Variants in ADRA1A observed in about 807,000 individuals in gnomAD.
ADRA1A encodes the protein alpha-1A adrenergic receptor.
In ADRA1A, 31 loss-of-function variants were observed where a neutral mutation model predicts 29.6. The observed-to-expected ratio is 1.05, with a 90% confidence interval of 0.79 to 1.41. The LOEUF is 1.41. Ranked by LOEUF, ADRA1A falls within the 40% of genes most tolerant of loss-of-function variation. The probability of loss-of-function intolerance (pLI) is 0.00; values close to 1 mark genes in which losing one functional copy is unlikely to be tolerated. For synonymous variants in ADRA1A, 311 were observed against 254.3 expected, an observed-to-expected ratio of 1.22 and a Z score of -2.12; for missense variants, 619 against 601.1, an observed-to-expected ratio of 1.03 and a Z score of -0.31.
chr8:26,748,814 G>A (rs61759696), intron 2 of ADRA1A: 20,150 of 388,068 alleles, frequency 0.052, 710 homozygotes, highest in Non-Finnish European at 0.067. Flanking sequence ...AATTTATTCA[G>A]CATGGCTTTT....
At chr8:26,810,359 A>G (rs781378396) in intron 2 of ADRA1A, among the ~76,000 whole-genome samples, 8 of 152,218 alleles carry the variant, frequency 5.3e-5, no homozygotes, top group Non-Finnish European at 8.8e-5. Context: ...GTGACAGGCA[A>G]CAAGCCTGAA....
At chr8:26,814,660 T>A (rs1023188394) in intron 2 of ADRA1A, among the ~76,000 whole-genome samples, 1 of 152,226 alleles carries the variant, frequency 6.6e-6, no homozygotes, top group Non-Finnish European at 1.5e-5. Context: ...TGTTTTATAA[T>A]TTTCTTTCTC....
chr8:26,857,959 T>C (rs796502020), intron 2 of ADRA1A, among the ~76,000 whole-genome samples: 4 of 152,354 alleles, frequency 2.6e-5, no homozygotes, highest in African/African-American at 9.6e-5. Flanking sequence ...TCTCCAGTGA[T>C]TCTATAGCTT....
intron 2 of ADRA1A, among the ~76,000 whole-genome samples, chr8:26,858,575 T>A (rs1813208993): frequency 1.3e-5 from 2 of 152,238 alleles, no homozygotes; most frequent in South Asian, 4.1e-4. Context: ...AGCAGCACAC[T>A]GCCTCTGGAA....
chr8:26,818,000 C>T (rs143899742), intron 2 of ADRA1A, among the ~76,000 whole-genome samples: 1 of 152,336 alleles, frequency 6.6e-6, no homozygotes, highest in Non-Finnish European at 1.5e-5. Context: ...TGGAATGTTA[C>T]TCAGCAACAG....
rs764835112 is a variant in ADRA1A at position 26,864,794 on chromosome 8, G to T, written c.176C>A (p.Ser59Ter). 2 of 1,614,172 alleles carry T rather than the reference G, an allele frequency of 1.2e-6. No individual in the cohort carries two copies. The highest frequency in any genetic ancestry group is 3.3e-5 in the Admixed American group (2 of 60,032). The change falls in exon 2 of 3, where the codon TCA (serine) becomes TAA (stop). Residue 59 changes from serine (S) to a stop codon, truncating the protein, a stop_gained. Transcript: ENST00000380573. LOFTEE classifies it high-confidence loss of function. This position sits in a 1 kb window ranked among gnomAD's most constrained non-coding sequence, Gnocchi z 8.1. The stretch of plus-strand genomic sequence containing the variant: ...GTTGACGATGTAGTAGTGCGTGACT[G>T]AGTGCAGGTGTCGGTGACAGGCTAC... ...LSVACHRHLHSVTHYYIVNLA... is the reference protein window; with the variant it reads ...LSVACHRHLH
At chr8:26,851,378 GAA>G (rs1238771773) in intron 2 of ADRA1A, among the ~76,000 whole-genome samples, 1 of 152,012 alleles carries the variant, frequency 6.6e-6, no homozygotes, top group Non-Finnish European at 1.5e-5. Flanking sequence ...AAAAAGCAAA[GAA>G]AAAAGTTACC....
chr8:26,785,630 C>T (rs1425814685), intron 2 of ADRA1A, among the ~76,000 whole-genome samples: 1 of 151,996 alleles, frequency 6.6e-6, no homozygotes, highest in Non-Finnish European at 1.5e-5. Flanking sequence ...AACATGAATA[C>T]ATTCAAGCTG....
At chr8:26,751,838 C>T (rs768706175), downstream of ADRA1A, among the ~76,000 whole-genome samples, 13 of 152,178 alleles carry the variant, frequency 8.5e-5, no homozygotes, top group African/African-American at 1.7e-4. Context: ...ATTATTATCT[C>T]GTTTTACAGG....
chr8:26,783,270 A>T (rs1291487058), intron 2 of ADRA1A, among the ~76,000 whole-genome samples: 1 of 152,176 alleles, frequency 6.6e-6, no homozygotes, highest in Non-Finnish European at 1.5e-5. Flanking sequence ...ATAAGTAGGT[A>T]GTAGAGCATG....
At chr8:26,856,445 TATA>T (rs1468874717) in intron 2 of ADRA1A, among the ~76,000 whole-genome samples, 1 of 152,236 alleles carries the variant, frequency 6.6e-6, no homozygotes, top group Non-Finnish European at 1.5e-5. Context: ...CACAAACTTG[TATA>T]ATGGCTATAA....
intron 2 of ADRA1A, among the ~76,000 whole-genome samples, chr8:26,783,735 T>A (rs1807165235): frequency 6.6e-6 from 1 of 152,318 alleles, no homozygotes; most frequent in Admixed American, 6.5e-5. Flanking sequence ...CGTGTGTATG[T>A]TCATTGCAGC....
chr8:26,778,676 C>T lies in ADRA1A; in HGVS notation c.884-8010G>A, dbSNP rs969318205. ...GGATGAAGCTGGAAACCATCATTCT[C>T]AGCAAACTATCGCAAGGACAAAAAA... On this transcript the variant is annotated intron_variant, in intron 2 of 2. Transcript: ENST00000380573. Among the ~76,000 whole-genome samples, 5 of 151,758 alleles carry T rather than the reference C, an allele frequency of 3.3e-5. No individual in the cohort carries two copies. The East Asian group carries it at 9.7e-4, about 29-fold the overall frequency.
At chr8:26,839,102 T>C (rs1463295709) in intron 2 of ADRA1A, among the ~76,000 whole-genome samples, 1 of 152,162 alleles carries the variant, frequency 6.6e-6, no homozygotes, top group African/African-American at 2.4e-5. Context: ...TGCATGCTAA[T>C]TATTAGAAAG....
chr8:26,763,895 TTTACTATCTAGTCAC>T (rs1214910773), downstream of ADRA1A, among the ~76,000 whole-genome samples: 1 of 152,176 alleles, frequency 6.6e-6, no homozygotes, highest in Non-Finnish European at 1.5e-5. The surrounding 1 kb of genome is among the most constrained non-coding windows in gnomAD (Gnocchi z 4.5). Flanking sequence ...GCCTAAAATA[TTTACTATCTAGTCAC>T]ATACAGAAAA....
At chr8:26,799,421 T>C (rs1454261873) in intron 2 of ADRA1A, among the ~76,000 whole-genome samples, 1 of 152,182 alleles carries the variant, frequency 6.6e-6, no homozygotes, top group Non-Finnish European at 1.5e-5. Flanking sequence ...AGGAGAGAGC[T>C]GTGCAGTGAC....
downstream of ADRA1A, among the ~76,000 whole-genome samples, chr8:26,762,054 T>TAAGGGGGAAAGTCAAAAAGA (rs1805533557): frequency 6.6e-6 from 1 of 151,988 alleles, no homozygotes; most frequent in African/African-American, 2.4e-5. The surrounding 1 kb of genome is among the most constrained non-coding windows in gnomAD (Gnocchi z 4.0). Context: ...CAGGCACTCC[T>TAAGGGGGAAAGTCAAAAAGA]AAGGGGGAAA....
intron 2 of ADRA1A, among the ~76,000 whole-genome samples, chr8:26,783,515 C>G (rs1208559466): frequency 1.3e-5 from 2 of 152,132 alleles, no homozygotes; most frequent in Non-Finnish European, 2.9e-5. Flanking sequence ...TTCCGAAGGC[C>G]AAAGAATATT....
intron 2 of ADRA1A, among the ~76,000 whole-genome samples, chr8:26,773,105 C>T (rs1156709651): frequency 6.6e-6 from 1 of 152,158 alleles, no homozygotes; most frequent in African/African-American, 2.4e-5. Context: ...GAAACTGTGG[C>T]TTAATGAGTT....
Sources: gnomAD v4.1 joint callset for allele counts (sites outside exome capture counted in the v4.1 genomes callset) on GRCh38, gnomAD v4.1.1 for gene constraint, Gnocchi (gnomAD v3.1) non-coding constraint, MANE v1.5 for transcripts, NCBI Gene and HGNC (gene_info 2026-07-23, HGNC 2026-07-21) for gene names.